Variants in ZBTB46 observed in about 807,000 individuals in gnomAD.
The protein encoded by ZBTB46 is zinc finger and BTB domain containing 46, also known as zinc finger and BTB domain-containing protein 46.
A neutral mutation model predicts 44.1 loss-of-function variants in ZBTB46; 8 were observed. That is an observed-to-expected ratio of 0.18 (90% CI 0.11 to 0.33). ZBTB46 has a LOEUF of 0.33. Among genes scored for constraint, ZBTB46 ranks in the 10% least tolerant of loss-of-function variants. The pLI is 1.00. For missense variants in ZBTB46, 651 were observed against 847.7 expected (o/e 0.77, Z 2.88); for synonymous variants, 409 against 382.3 (o/e 1.07, Z -0.81).
chr20:63,831,379 C>T (rs1366172471), upstream of ZBTB46: 1 of 141,776 alleles, frequency 7.1e-6, no homozygotes, highest in South Asian at 2.1e-4. Context: ...TGGCCCGCGC[C>T]GCGCCCCGGC....
intron 1 of ZBTB46, among the ~76,000 whole-genome samples, chr20:63,799,330 A>G (rs971153708): frequency 6.6e-6 from 1 of 150,932 alleles, no homozygotes; most frequent in Admixed American, 6.6e-5. Flanking sequence ...GTGAGTCATC[A>G]CGTGTGGCCT....
chr20:63,820,090 AG>A (rs1197223302), intron 1 of ZBTB46, among the ~76,000 whole-genome samples: 1 of 152,102 alleles, frequency 6.6e-6, no homozygotes, highest in African/African-American at 2.4e-5. Context: ...AACAGTAAAC[AG>A]GCACACTTTT....
At chr20:63,749,097 G>A (rs923093589) in intron 4 of ZBTB46, among the ~76,000 whole-genome samples, 2 of 152,214 alleles carry the variant, frequency 1.3e-5, no homozygotes, top group African/African-American at 4.8e-5. Flanking sequence ...CACAAAGCCG[G>A]GAACCATAAA....
At chr20:63,765,826 C>A (rs2092316383) in intron 3 of ZBTB46, among the ~76,000 whole-genome samples, 1 of 152,206 alleles carries the variant, frequency 6.6e-6, no homozygotes, top group Admixed American at 6.5e-5. Context: ...GTTCTTAGAG[C>A]CCTTATCATT....
chr20:63,789,521 C>G (rs565614251), intron 2 of ZBTB46, among the ~76,000 whole-genome samples: 1 of 152,208 alleles, frequency 6.6e-6, no homozygotes, highest in Non-Finnish European at 1.5e-5. Flanking sequence ...ACCCACCCCC[C>G]GGCTCACGTC....
chr20:63,818,714 C>T (rs932132141), intron 1 of ZBTB46, among the ~76,000 whole-genome samples: 9 of 151,184 alleles, frequency 6.0e-5, no homozygotes, highest in African/African-American at 1.5e-4. Flanking sequence ...AAAAATTAGC[C>T]GGGCATGGTG....
At chr20:63,827,192 G>A (rs992931353) in intron 1 of ZBTB46, among the ~76,000 whole-genome samples, 1 of 152,160 alleles carries the variant, frequency 6.6e-6, no homozygotes, top group Non-Finnish European at 1.5e-5. Flanking sequence ...CACCTCCGTG[G>A]GAACTTTGTC....
intron 1 of ZBTB46, among the ~76,000 whole-genome samples, chr20:63,808,550 G>T (rs560098963): frequency 1.4e-3 from 211 of 152,244 alleles, no homozygotes; most frequent in African/African-American, 4.9e-3. Flanking sequence ...GTGACCTCCC[G>T]CCCCTAAGCG....
intron 1 of ZBTB46, among the ~76,000 whole-genome samples, chr20:63,821,104 G>A (rs1378432037): frequency 6.6e-6 from 1 of 151,602 alleles, no homozygotes; most frequent in African/African-American, 2.4e-5. Flanking sequence ...TGTTGGCCAA[G>A]ATGGTCTCAA....
chr20:63,801,103 C>A (rs542358911), intron 1 of ZBTB46, among the ~76,000 whole-genome samples: 3 of 152,328 alleles, frequency 2.0e-5, no homozygotes, highest in South Asian at 2.1e-4. Flanking sequence ...CCAATCAGTA[C>A]CCTGTGTCTA....
At chr20:63,801,611 G>A (rs1232739766) in intron 1 of ZBTB46, among the ~76,000 whole-genome samples, 1 of 152,138 alleles carries the variant, frequency 6.6e-6, no homozygotes, top group Non-Finnish European at 1.5e-5. Flanking sequence ...CTGTCTTTAT[G>A]AGCTGTAAGA....
intron 3 of ZBTB46, among the ~76,000 whole-genome samples, chr20:63,759,117 C>T (rs1456751560): frequency 1.3e-5 from 2 of 152,104 alleles, no homozygotes; most frequent in African/African-American, 4.8e-5. Context: ...TTAATTTCTC[C>T]CAGCAATATT....
chr20:63,815,542 GGTGC>G, intron 1 of ZBTB46, among the ~76,000 whole-genome samples: 1 of 102,460 alleles, frequency 9.8e-6, no homozygotes, highest in African/African-American at 4.5e-5. Context: ...AGGTCCAGTG[GGTGC>G]AGGTGCAGTG....
intron 2 of ZBTB46, among the ~76,000 whole-genome samples, chr20:63,780,224 T>G (rs2092457873): frequency 6.7e-6 from 1 of 149,046 alleles, no homozygotes; most frequent in Admixed American, 6.7e-5. Context: ...TGAGCCGAGA[T>G]CACACCATTG....
At chr20:63,828,257 T>C (rs777320331) in intron 1 of ZBTB46, among the ~76,000 whole-genome samples, 20 of 152,222 alleles carry the variant, frequency 1.3e-4, no homozygotes, top group Non-Finnish European at 2.1e-4. Context: ...ATCCCTCCCA[T>C]GGACCCCATG....
At chr20:63,762,681 A>AAAC (rs1568839172) in intron 3 of ZBTB46, among the ~76,000 whole-genome samples, 2 of 120,188 alleles carry the variant, frequency 1.7e-5, no homozygotes, top group African/African-American at 7.2e-5. Context: ...AACAAACAAA[A>AAAC]AAAAAACCAA....
At chr20:63,832,669 C>T (rs901359974), upstream of ZBTB46, among the ~76,000 whole-genome samples, 1 of 152,110 alleles carries the variant, frequency 6.6e-6, no homozygotes, top group African/African-American at 2.4e-5. This position sits in a 1 kb window ranked among gnomAD's most constrained non-coding sequence, Gnocchi z 5.0. Context: ...ATCCCCTCGC[C>T]AAGGTCGCCG....
At chr20:63,779,482 T>C (rs1456281391) in intron 2 of ZBTB46, among the ~76,000 whole-genome samples, 1 of 145,456 alleles carries the variant, frequency 6.9e-6, no homozygotes, top group African/African-American at 2.6e-5. Flanking sequence ...TGCAGTGGCA[T>C]GATCTTGGCT....
chr20:63,767,130 C>T lies in ZBTB46; in HGVS notation c.1222+8548G>A, dbSNP rs1272558580. The stretch of plus-strand genomic sequence containing the variant: ...GCAGCACATTCCCGTAATTCCACGC[C>T]GACACGTGGAGCGCCGCGCACATGC... On this transcript the variant is annotated intron_variant, in intron 3 of 4. Transcript: ENST00000245663. The surrounding 1 kb of genome is among the most constrained non-coding windows in gnomAD (Gnocchi z 5.0). Among the ~76,000 whole-genome samples the T allele has an allele frequency of 2.6e-5, 4 of 152,196 alleles. No individual in the cohort carries two copies. The highest frequency in any genetic ancestry group is 2.1e-4 in the South Asian group (1 of 4,836).
Sources: gnomAD v4.1 joint callset for allele counts (sites outside exome capture counted in the v4.1 genomes callset) on GRCh38, gnomAD v4.1.1 for gene constraint, Gnocchi (gnomAD v3.1) non-coding constraint, MANE v1.5 for transcripts, NCBI Gene and HGNC (gene_info 2026-07-23, HGNC 2026-07-21) for gene names.